CHTF8: variants seen among roughly 807,000 people sequenced by gnomAD.
The protein encoded by CHTF8 is chromosome transmission fidelity factor 8, also known as chromosome transmission fidelity protein 8 homolog.
Under a neutral mutation model 11.0 loss-of-function variants are expected in CHTF8, and 6 were observed. The ratio of observed to expected loss-of-function variants is 0.55; its 90% CI spans 0.30 to 1.08. The LOEUF is 1.08. Among genes scored for constraint, CHTF8 ranks in the 50% least tolerant of loss-of-function variants. The pLI is 0.07. For synonymous variants in CHTF8, 53 were observed against 60.5 expected (o/e 0.88, Z 0.57); for missense variants, 140 against 153.1 (o/e 0.91, Z 0.45).
In CHTF8 at chr16:69,121,476, AAAGC is replaced by A. The variant is rs138743702; in HGVS notation, c.-22_-19del. The A allele has an allele frequency of 1.9e-6, 3 of 1,596,910 alleles. No individual in the cohort carries two copies. In the African/African-American group the frequency reaches 4.1e-5, roughly 22 times the overall value. ...TGCACCATGAGCTTTCTGTCTTTAA[AAAGC>A]AAGTGAAAACAAGCTGTAGAGAGAA... On this transcript the variant is annotated 5_prime_UTR_variant, in exon 2 of 4. Transcript: ENST00000448552.
intron 1 of CHTF8, among the ~76,000 whole-genome samples, chr16:69,126,707 G>T (rs991011410): frequency 6.6e-6 from 1 of 152,238 alleles, no homozygotes; most frequent in Middle Eastern, 3.4e-3. Flanking sequence ...TACGCACGTG[G>T]GTGTATTTAC....
Position 69,118,639 on chromosome 16 carries a change from G to C in CHTF8, c.*1786C>G. The C allele has an allele frequency of 2.9e-6, 2 of 700,518 alleles. No individual in the cohort carries two copies. Among genetic ancestry groups the C allele is most frequent in the African/African-American group, 3.5e-5 (2 of 57,188 alleles). 43.4% of individuals were successfully genotyped at this position (700,518 alleles called of 1,614,324 possible). On this transcript the variant is annotated 3_prime_UTR_variant, in exon 4 of 4. Transcript: ENST00000448552. Reference sequence around the variant, plus strand: ...GAGGCTGGAGATCCTTTCTCTCAAGGGCAGGATTATTCCCACCTGCCACAG... The same window carrying C: ...GAGGCTGGAGATCCTTTCTCTCAAGCGCAGGATTATTCCCACCTGCCACAG...
Position 69,118,987 on chromosome 16 carries a change from A to G in CHTF8, c.*1438T>C. 1.4e-6 allele frequency: 1 copy of G among 703,072 alleles called. No individual in the cohort carries two copies. Among genetic ancestry groups the G allele is most frequent in the Non-Finnish European group, 2.6e-6 (1 of 385,024 alleles). The allele number at this position is 703,072 out of a possible 1,614,324, so 43.6% of individuals were successfully genotyped here. Reference sequence around the variant, plus strand: ...GAAACTCTTGCCTGCAGGGCCATTCATCCTTGGAAAGGAAGCTGGGTTGAG... The same window carrying G: ...GAAACTCTTGCCTGCAGGGCCATTCGTCCTTGGAAAGGAAGCTGGGTTGAG... On this transcript the variant is annotated 3_prime_UTR_variant, in exon 4 of 4. Coordinates refer to ENST00000448552, the MANE Select transcript of CHTF8 (RefSeq NM_001039690.5).
chr16:69,129,506 T>C (rs1962342445), intron 1 of CHTF8, among the ~76,000 whole-genome samples: 1 of 151,950 alleles, frequency 6.6e-6, no homozygotes, highest in Non-Finnish European at 1.5e-5. Context: ...AAGGCTTCAT[T>C]TCTCACAAGC....
At chr16:69,125,624 GCA>G (rs1962007855) in intron 1 of CHTF8, among the ~76,000 whole-genome samples, 1 of 152,224 alleles carries the variant, frequency 6.6e-6, no homozygotes, top group Non-Finnish European at 1.5e-5. Flanking sequence ...TTCTGCACCA[GCA>G]CAGATTGTGG....
At chr16:69,127,040 A>C (rs1284089692) in intron 1 of CHTF8, among the ~76,000 whole-genome samples, 1 of 152,116 alleles carries the variant, frequency 6.6e-6, no homozygotes, top group Non-Finnish European at 1.5e-5. Context: ...TGAAGTCAGG[A>C]GTTTGAGGCC....
Position 69,119,873 on chromosome 16 carries a change from T to G in CHTF8, c.*552A>C. On this transcript the variant is annotated 3_prime_UTR_variant, in exon 4 of 4. Transcript: ENST00000448552. ...CCAGAGGTTAACAGAACACCGGCTCTCAGGTTAGGTCCAGATCCAGGGCCC... is the reference window on the plus strand; with the variant it reads ...CCAGAGGTTAACAGAACACCGGCTCGCAGGTTAGGTCCAGATCCAGGGCCC... The G allele has an allele frequency of 1.4e-6, 1 of 701,614 alleles. No homozygotes were observed. The highest frequency in any genetic ancestry group is 2.6e-6 in the Non-Finnish European group (1 of 384,952). The allele number at this position is 701,614 out of a possible 1,614,324, so 43.5% of individuals were successfully genotyped here.
At chr16:69,128,146 C>T (rs530090468) in intron 1 of CHTF8, among the ~76,000 whole-genome samples, 5 of 152,128 alleles carry the variant, frequency 3.3e-5, no homozygotes, top group Admixed American at 6.5e-5. Flanking sequence ...AACTCCTGAC[C>T]TCATGATCCA....
At position 69,120,111 on chromosome 16, in the gene CHTF8, G is replaced by A. The variant is rs1478157064; in HGVS notation, c.*314C>T. 1.4e-6 allele frequency: 1 copy of A among 700,894 alleles called. No individual in the cohort carries two copies. Among genetic ancestry groups the A allele is most frequent in the Non-Finnish European group, 2.6e-6 (1 of 384,586 alleles). 43.4% of individuals were successfully genotyped at this position (700,894 alleles called of 1,614,324 possible). ...GCCTTGGGAAAGAAACTGCACCTGT[G>A]CCAGTGGGATTCATCCCTCTTGGAA... On this transcript the variant is annotated 3_prime_UTR_variant, in exon 4 of 4. Coordinates refer to ENST00000448552, the MANE Select transcript of CHTF8 (RefSeq NM_001039690.5). This position sits in a 1 kb window ranked among gnomAD's most constrained non-coding sequence, Gnocchi z 4.0.
intron 1 of CHTF8, 42 bp from the exon 2 acceptor site, chr16:69,121,535 A>G: frequency 2.4e-6 from 3 of 1,269,420 alleles, no homozygotes; most frequent in Non-Finnish European, 3.4e-6. Context: ...TAACAACAAC[A>G]ACTAATAATG....
At chr16:69,131,055 C>G (rs1273211337) in intron 1 of CHTF8, among the ~76,000 whole-genome samples, 1 of 152,128 alleles carries the variant, frequency 6.6e-6, no homozygotes, top group Non-Finnish European at 1.5e-5. Flanking sequence ...CTGAAGGGGA[C>G]AGGTCTATAC....
rs780981876 is a variant in CHTF8 at position 69,118,304 on chromosome 16, C to T, written c.*2121G>A. 1.5e-5 allele frequency: 17 copies of T among 1,155,514 alleles called. No individual in the cohort carries two copies. The highest frequency in any genetic ancestry group is 7.0e-5 in the East Asian group (3 of 42,736). The allele number at this position is 1,155,514 out of a possible 1,614,324, so 71.6% of individuals were successfully genotyped here. On this transcript the variant is annotated 3_prime_UTR_variant, in exon 4 of 4. Transcript: ENST00000448552. ...CAGTCAGTCAAGCAGAAACTGCATT[C>T]GGTGGGTCTTTCTTTGAAGTGGTTG...
intron 1 of CHTF8, among the ~76,000 whole-genome samples, chr16:69,128,745 T>C (rs1962273342): frequency 6.6e-6 from 1 of 151,386 alleles, no homozygotes; most frequent in Admixed American, 6.6e-5. Flanking sequence ...TTGGCTTCTC[T>C]CTCTCTTTTG....
intron 1 of CHTF8, among the ~76,000 whole-genome samples, chr16:69,123,060 C>T (rs955641600): frequency 5.9e-5 from 9 of 152,102 alleles, no homozygotes; most frequent in African/African-American, 2.2e-4. Context: ...CACCCGGCCT[C>T]TTACTTTTTT....
At chr16:69,126,665 A>G (rs1191332273) in intron 1 of CHTF8, among the ~76,000 whole-genome samples, 2 of 152,258 alleles carry the variant, frequency 1.3e-5, no homozygotes, top group African/African-American at 4.8e-5. Flanking sequence ...ACAGGAACTT[A>G]CAGACTGCTC....
chr16:69,129,070 C>CA (rs961361648), intron 1 of CHTF8, among the ~76,000 whole-genome samples: 5 of 150,010 alleles, frequency 3.3e-5, no homozygotes, highest in African/African-American at 9.8e-5. Context: ...TCTCAAAAAA[C>CA]AGACAAACTG....
chr16:69,120,873 C>A lies in CHTF8; in HGVS notation c.141+180G>T, dbSNP rs1469165301. The A allele has an allele frequency of 1.3e-6, 1 of 759,054 alleles. No individual in the cohort carries two copies. Among genetic ancestry groups the A allele is most frequent in the Non-Finnish European group, 2.4e-6 (1 of 425,456 alleles). 47.0% of individuals were successfully genotyped at this position (759,054 alleles called of 1,614,324 possible). On this transcript the variant is annotated intron_variant, in intron 3 of 3. Coordinates refer to ENST00000448552, the MANE Select transcript of CHTF8 (RefSeq NM_001039690.5). This position sits in a 1 kb window ranked among gnomAD's most constrained non-coding sequence, Gnocchi z 4.0. The stretch of plus-strand genomic sequence containing the variant: ...TTCAGAAATGTGAGCTTTCCAGATT[C>A]CCCAAAATTAAATTTCCCTGCTACT...
Position 69,119,305 on chromosome 16 carries a change from G to A in CHTF8, c.*1120C>T, listed in dbSNP as rs1008691543. 5.7e-6 allele frequency: 4 copies of A among 702,992 alleles called. No individual in the cohort carries two copies. The highest frequency in any genetic ancestry group is 4.0e-5 in the Admixed American group (2 of 50,008). The allele number at this position is 702,992 out of a possible 1,614,324, so 43.5% of individuals were successfully genotyped here. On this transcript the variant is annotated 3_prime_UTR_variant, in exon 4 of 4. Transcript: ENST00000448552. ...AGCTGGGTTTGATGCCAATGTGCCA[G>A]AAGACTGAGAAAAGGCAGATGAACC...
In CHTF8 at chr16:69,121,126, T is replaced by G. The variant is rs1026353602; in HGVS notation, c.68A>C (p.Gln23Pro). 2 of 1,613,560 alleles carry G rather than the reference T, an allele frequency of 1.2e-6. No homozygotes were observed. Among genetic ancestry groups the G allele is most frequent in the African/African-American group, 2.7e-5 (2 of 74,918 alleles). ...GLAEWVLMEL[Q>P]GEIEARYSTG... ...GCTGTAGCGAGCCTCGATCTCCCCC[T>G]GTAGCTCCATCAGCACCCATTCTGC... Residue 23 changes from glutamine (Q) to proline (P), a missense_variant, in exon 3 of 4, where the codon CAG (glutamine) becomes CCG (proline). By Grantham distance (76) the Gln-to-Pro change is moderately conservative (BLOSUM62 -1). Coordinates refer to ENST00000448552, the MANE Select transcript of CHTF8 (RefSeq NM_001039690.5).
Sources: gnomAD v4.1 joint callset for allele counts (sites outside exome capture counted in the v4.1 genomes callset) on GRCh38, gnomAD v4.1.1 for gene constraint, Gnocchi (gnomAD v3.1) non-coding constraint, MANE v1.5 for transcripts, NCBI Gene and HGNC (gene_info 2026-07-23, HGNC 2026-07-21) for gene names.